Variants in CCDC87 observed in about 807,000 individuals in gnomAD.
CCDC87 encodes the protein coiled-coil domain containing 87.
For synonymous variants in CCDC87, 434 were observed against 440.2 expected, an observed-to-expected ratio of 0.99 and a Z score of 0.18; for missense variants, 1,072 against 1,041.7, an observed-to-expected ratio of 1.03 and a Z score of -0.40.
At position 66,592,006 on chromosome 11, in the gene CCDC87, G is replaced by A. The variant is rs971474224; in HGVS notation, c.1010C>T (p.Pro337Leu). 5 of 1,613,932 alleles carry A rather than the reference G, an allele frequency of 3.1e-6. No individual in the cohort carries two copies. Among genetic ancestry groups the A allele is most frequent in the Admixed American group, 3.3e-5 (2 of 60,024 alleles). Reference sequence around the variant, plus strand: ...TTTGCTCTCTGTAGCCAAGACCAGCGGGGTTAAGGGGCGAGATGGGAGTGG... The same window carrying A: ...TTTGCTCTCTGTAGCCAAGACCAGCAGGGTTAAGGGGCGAGATGGGAGTGG... ...LPPLPSRPLT[P>L]LVLATESKPE... Residue 337 changes from proline (P) to leucine (L), a missense_variant, in exon 1 of 1, where the codon CCG becomes CTG. Transcript: ENST00000333861.
In CCDC87 at chr11:66,591,675, C is replaced by A. The variant is rs1418347092; in HGVS notation, c.1341G>T (p.Arg447=). ...AGTCTAAGAAGTTTCTATCAGAGACCCGTACGGCAGCCGCCTGGACCACGA... is the reference window on the plus strand; with the variant it reads ...AGTCTAAGAAGTTTCTATCAGAGACACGTACGGCAGCCGCCTGGACCACGA... ...NEVVVQAAAV[R]VSDRNFLDSF... is the part of the protein sequence containing the mutation. The change falls in exon 1 of 1, where the codon CGG becomes CGT. Residue 447 remains arginine, a synonymous_variant. Coordinates refer to ENST00000333861, the MANE Select transcript of CCDC87 (RefSeq NM_018219.3). 8.1e-6 allele frequency: 13 copies of A among 1,613,644 alleles called. No homozygotes were observed. The highest frequency in any genetic ancestry group is 1.0e-5 in the Non-Finnish European group (12 of 1,179,986).
In CCDC87 at chr11:66,593,030, C is replaced by T; in HGVS notation, c.-15G>A. The T allele has an allele frequency of 2.7e-6, 4 of 1,506,680 alleles. No individual in the cohort carries two copies. Among genetic ancestry groups the T allele is most frequent in the East Asian group, 2.3e-5 (1 of 43,356 alleles). 93.3% of individuals were successfully genotyped at this position (1,506,680 alleles called of 1,614,324 possible). On this transcript the variant is annotated 5_prime_UTR_variant, in exon 1 of 1. Coordinates refer to ENST00000333861, the MANE Select transcript of CCDC87 (RefSeq NM_018219.3). ...GGCTCCATCATAGAGCCGGCGGCCG[C>T]CACCGTCCAGGAACAGAAAGCCGAG... is the stretch of plus-strand genomic sequence containing the variant.
At position 66,590,846 on chromosome 11, in the gene CCDC87, C is replaced by A; in HGVS notation, c.2170G>T (p.Ala724Ser). The A allele has an allele frequency of 6.2e-7, 1 of 1,613,916 alleles. No homozygotes were observed. Among genetic ancestry groups the A allele is most frequent in the South Asian group, 1.1e-5 (1 of 91,082 alleles). The stretch of plus-strand genomic sequence containing the variant: ...TCCCGCAGCTGAATGGGCTTCAGGG[C>A]CCGCTCCCAGGCATTCACCAATGAA... ...LPSLVNAWER[A>S]LKPIQLREAL... The change falls in exon 1 of 1, where the codon GCC (alanine) becomes TCC (serine). Residue 724 changes from alanine (A) to serine (S), a missense_variant. Coordinates refer to ENST00000333861, the MANE Select transcript of CCDC87 (RefSeq NM_018219.3).
chr11:66,592,892 C>T lies in CCDC87; in HGVS notation c.124G>A (p.Gly42Ser), dbSNP rs749023439. 2.0e-6 allele frequency: 3 copies of T among 1,537,656 alleles called. No individual in the cohort carries two copies. The highest frequency in any genetic ancestry group is 2.5e-5 in the South Asian group (2 of 79,430). ...PEPQKRPPQEGRILQSFPLAK... is the reference protein window; with the variant it reads ...PEPQKRPPQESRILQSFPLAK... ...AGAGGGAAGGACTGCAGAATCCGGCCCTCCTGCGGGGGGCGCTTCTGAGGC... is the reference window on the plus strand; with the variant it reads ...AGAGGGAAGGACTGCAGAATCCGGCTCTCCTGCGGGGGGCGCTTCTGAGGC... The change falls in exon 1 of 1, where the codon GGC (glycine) becomes AGC (serine). Residue 42 changes from glycine to serine, a missense_variant. Coordinates refer to ENST00000333861, the MANE Select transcript of CCDC87 (RefSeq NM_018219.3).
rs1215968459 is a variant in CCDC87, at chr11:66,592,713, T to TTCGGCGGGCGGC, written c.291_302dup (p.Pro98_Glu101dup). ...GGTTGTTTTTGTGGCTCAGACTAAG[T>TTCGGCGGGCGGC]TCGGCGGGCGGCTCCCGCCAGCTGC... is the stretch of plus-strand genomic sequence containing the variant. On this transcript the variant is annotated inframe_insertion, in exon 1 of 1. Coordinates refer to ENST00000333861, the MANE Select transcript of CCDC87 (RefSeq NM_018219.3). The TTCGGCGGGCGGC allele has an allele frequency of 3.1e-6, 5 of 1,613,924 alleles. No individual in the cohort carries two copies. The African/African-American group carries it at 6.7e-5, about 22-fold the overall frequency.
At position 66,591,348 on chromosome 11, in the gene CCDC87, T is replaced by C. The variant is rs1565319734; in HGVS notation, c.1668A>G (p.Leu556=). Residue 556 remains leucine (L), a synonymous_variant, in exon 1 of 1, where the codon TTA becomes TTG. Transcript: ENST00000333861. ...VGLYSQRANT[L]QSNTKKMPSL... is the part of the protein sequence containing the mutation. ...AGGGCATCTTCTTAGTATTGGACTG[T>C]AAAGTGTTTGCTCTCTGGGAGTAAA... 10 of 1,614,198 alleles carry C rather than the reference T, an allele frequency of 6.2e-6. No homozygotes were observed. The Admixed American group carries it at 6.7e-5, about 11-fold the overall frequency.
rs1313178887 is a variant in CCDC87 at position 66,592,076 on chromosome 11, AG to A, written c.939del (p.Ser314ProfsTer22). The A allele has an allele frequency of 1.9e-6, 3 of 1,608,196 alleles. No homozygotes were observed. The African/African-American group carries it at 4.0e-5, about 22-fold the overall frequency. ...GCCAGCCTCCAGCCCTCACGCAGGG[AG>A]GGCATGGATTGGCCTCTCCGGAGCT... ...CPELRRGQSM[P>X]SLREGWRLAD... On this transcript the variant is annotated frameshift_variant, in exon 1 of 1. Coordinates refer to ENST00000333861, the MANE Select transcript of CCDC87 (RefSeq NM_018219.3). LOFTEE classifies it low-confidence loss of function (END_TRUNC).
Position 66,590,271 on chromosome 11 carries a change from C to G in CCDC87, c.*195G>C, listed in dbSNP as rs926797968. 1.8e-6 allele frequency: 1 copy of G among 542,736 alleles called. No homozygotes were observed. Among genetic ancestry groups the G allele is most frequent in the African/African-American group, 1.9e-5 (1 of 52,920 alleles). 33.6% of individuals were successfully genotyped at this position (542,736 alleles called of 1,614,324 possible). On this transcript the variant is annotated 3_prime_UTR_variant, in exon 1 of 1. Coordinates refer to ENST00000333861, the MANE Select transcript of CCDC87 (RefSeq NM_018219.3). ...TTTCATGAGAATTTCACTAAGAAAA[C>G]AATAGTTTTAGTCTCAATCCCTTCA...
Position 66,592,472 on chromosome 11 carries a change from G to A in CCDC87, c.544C>T (p.Leu182=), listed in dbSNP as rs267603130. ...CCAGAGGCCTGCTCTGCCCTCAGCAGGGCCTGGAAGTCGGCAAGCAGGCCA... is the reference window on the plus strand; with the variant it reads ...CCAGAGGCCTGCTCTGCCCTCAGCAAGGCCTGGAAGTCGGCAAGCAGGCCA... ...YRGLLADFQA[L]LRAEQASGDV... The change falls in exon 1 of 1, where the codon CTG becomes TTG. Residue 182 remains leucine, a synonymous_variant. Coordinates refer to ENST00000333861, the MANE Select transcript of CCDC87 (RefSeq NM_018219.3). 8 of 1,613,822 alleles carry A rather than the reference G, an allele frequency of 5.0e-6. No individual in the cohort carries two copies. The highest frequency in any genetic ancestry group is 3.3e-5 in the Admixed American group (2 of 60,022).
chr11:66,590,396 T>A lies in CCDC87; in HGVS notation c.*70A>T, dbSNP rs1007614575. On this transcript the variant is annotated 3_prime_UTR_variant, in exon 1 of 1. Coordinates refer to ENST00000333861, the MANE Select transcript of CCDC87 (RefSeq NM_018219.3). ...GAGGTCTAGATGAGCTGCTGGCCAT[T>A]TAGGGGTGAGGGAGGCATTTGAGGG... The A allele has an allele frequency of 1.8e-5, 22 of 1,192,070 alleles. No individual in the cohort carries two copies. Among genetic ancestry groups the A allele is most frequent in the Non-Finnish European group, 2.4e-5 (20 of 835,260 alleles). 73.8% of individuals were successfully genotyped at this position (1,192,070 alleles called of 1,614,324 possible).
At position 66,592,805 on chromosome 11, in the gene CCDC87, T is replaced by A; in HGVS notation, c.211A>T (p.Ile71Leu). Reference sequence around the variant, plus strand: ...GCCTCAGGAGGCACTCCCGCTGCTATCCCGCTGCCGGCCAGCAGCTTGGCC... The same window carrying A: ...GCCTCAGGAGGCACTCCCGCTGCTAACCCGCTGCCGGCCAGCAGCTTGGCC... ...QVAKLLAGSG[I>L]AAGVPPEARL... Residue 71 changes from isoleucine (I) to leucine (L), a missense_variant, in exon 1 of 1, where the codon ATA becomes TTA. By Grantham distance (5) the Ile-to-Leu change is conservative. Coordinates refer to ENST00000333861, the MANE Select transcript of CCDC87 (RefSeq NM_018219.3). 1 of 1,601,120 alleles carries A rather than the reference T, an allele frequency of 6.2e-7. No individual in the cohort carries two copies. Among genetic ancestry groups the A allele is most frequent in the Non-Finnish European group, 8.5e-7 (1 of 1,172,778 alleles).
At position 66,592,588 on chromosome 11, in the gene CCDC87, C is replaced by A; in HGVS notation, c.428G>T (p.Gly143Val). 1 of 1,613,520 alleles carries A rather than the reference C, an allele frequency of 6.2e-7. No homozygotes were observed. Among genetic ancestry groups the A allele is most frequent in the Non-Finnish European group, 8.5e-7 (1 of 1,180,028 alleles). Reference protein sequence around the residue: ...HLLVTMSTPRGVFTESATLTR... With the variant: ...HLLVTMSTPRVVFTESATLTR... ...GAGGGTGGCTGATTCAGTGAAGACCCCCCTGGGAGTCGACATGGTCACCAG... is the reference window on the plus strand; with the variant it reads ...GAGGGTGGCTGATTCAGTGAAGACCACCCTGGGAGTCGACATGGTCACCAG... Residue 143 changes from glycine (G) to valine (V), a missense_variant, in exon 1 of 1, where the codon GGG (glycine) becomes GTG (valine). Physicochemically the swap from Gly to Val is moderately radical, Grantham distance 109. Coordinates refer to ENST00000333861, the MANE Select transcript of CCDC87 (RefSeq NM_018219.3).
chr11:66,591,295 C>G lies in CCDC87; in HGVS notation c.1721G>C (p.Ser574Thr). 6.2e-7 allele frequency: 1 copy of G among 1,614,180 alleles called. No individual in the cohort carries two copies. The highest frequency in any genetic ancestry group is 1.3e-5 in the African/African-American group (1 of 75,048). ...GGCCTTGTTTGACCACTTCTCCCAGCTTTTGGTAGCTTGGAGTGATGGGAG... is the reference window on the plus strand; with the variant it reads ...GGCCTTGTTTGACCACTTCTCCCAGGTTTTGGTAGCTTGGAGTGATGGGAG... Reference protein sequence around the residue: ...PSLPSLQATKSWEKWSNKASL... With the variant: ...PSLPSLQATKTWEKWSNKASL... Residue 574 changes from serine (S) to threonine (T), a missense_variant, in exon 1 of 1, where the codon AGC becomes ACC. Physicochemically the swap from Ser to Thr is moderately conservative, Grantham distance 58. Coordinates refer to ENST00000333861, the MANE Select transcript of CCDC87 (RefSeq NM_018219.3).
Position 66,590,715 on chromosome 11 carries a change from C to G in CCDC87, c.2301G>C (p.Gln767His), listed in dbSNP as rs1182316624. The G allele has an allele frequency of 6.8e-6, 11 of 1,613,798 alleles. No homozygotes were observed. Among genetic ancestry groups the G allele is most frequent in the African/African-American group, 1.3e-5 (1 of 74,928 alleles). The part of the protein sequence containing the change: ...LSSSHFLEEN[Q>H]VRSHLHRKLN... ...GCTTCCTGTGGAGATGGCTTCGGAC[C>G]TGATTCTCCTCCAGGAAGTGACTGG... The change falls in exon 1 of 1, where the codon CAG (glutamine) becomes CAC (histidine). Residue 767 changes from glutamine to histidine, a missense_variant. By Grantham distance (24) the Gln-to-His change is conservative. Transcript: ENST00000333861.
chr11:66,591,468 C>A lies in CCDC87; in HGVS notation c.1548G>T (p.Glu516Asp). 6.2e-7 allele frequency: 1 copy of A among 1,614,170 alleles called. No homozygotes were observed. Among genetic ancestry groups the A allele is most frequent in the South Asian group, 1.1e-5 (1 of 91,086 alleles). ...TCGACCAGTCTTTATCTGCTGCAGGCTCAACTAGGGGCCCTTGATCAAAAT... is the reference window on the plus strand; with the variant it reads ...TCGACCAGTCTTTATCTGCTGCAGGATCAACTAGGGGCCCTTGATCAAAAT... ...HLHFDQGPLV[E>D]PAADKDWSTF... The change falls in exon 1 of 1, where the codon GAG becomes GAT. Residue 516 changes from glutamate to aspartate, a missense_variant. Transcript: ENST00000333861.
At position 66,592,427 on chromosome 11, in the gene CCDC87, G is replaced by A; in HGVS notation, c.589C>T (p.Pro197Ser). ...QASGDVDKLH[P>S]VCPAGTFKLC... ...TTGAACGTCCCAGCGGGGCAGACAG[G>A]GTGCAGCTTGTCCACATCCCCAGAG... The change falls in exon 1 of 1, where the codon CCT (proline) becomes TCT (serine). Residue 197 changes from proline (P) to serine (S), a missense_variant. Transcript: ENST00000333861. 6.2e-7 allele frequency: 1 copy of A among 1,613,986 alleles called. No homozygotes were observed. The highest frequency in any genetic ancestry group is 8.5e-7 in the Non-Finnish European group (1 of 1,180,014).
Position 66,592,966 on chromosome 11 carries a change from C to T in CCDC87, c.50G>A (p.Arg17Gln). 2 of 1,517,310 alleles carry T rather than the reference C, an allele frequency of 1.3e-6. No individual in the cohort carries two copies. The highest frequency in any genetic ancestry group is 8.8e-7 in the Non-Finnish European group (1 of 1,135,600). The allele number at this position is 1,517,310 out of a possible 1,614,324, so 94.0% of individuals were successfully genotyped here. A position where few individuals can be genotyped will look rare whatever the true frequency, so the allele number is the denominator to read the frequency against. ...GAAGAGCGACAGCGGACGCAGCAGC[C>T]GGTGGTAAAACCGCTGGAGCTCAGG... Reference protein sequence around the residue: ...PEPELQRFYHRLLRPLSLFPT... With the variant: ...PEPELQRFYHQLLRPLSLFPT... The change falls in exon 1 of 1, where the codon CGG (arginine) becomes CAG (glutamine). Residue 17 changes from arginine (R) to glutamine (Q), a missense_variant. Arg to Gln is a conservative substitution (Grantham distance 43, BLOSUM62 1). Coordinates refer to ENST00000333861, the MANE Select transcript of CCDC87 (RefSeq NM_018219.3).
Position 66,592,978 on chromosome 11 carries a change from C to A in CCDC87, c.38G>T (p.Arg13Leu). The A allele has an allele frequency of 6.6e-7, 1 of 1,515,900 alleles. No individual in the cohort carries two copies. The highest frequency in any genetic ancestry group is 1.4e-5 in the African/African-American group (1 of 71,726). The allele number at this position is 1,515,900 out of a possible 1,614,324, so 93.9% of individuals were successfully genotyped here. ...EPPKPEPELQ[R>L]FYHRLLRPLS... ...CGGACGCAGCAGCCGGTGGTAAAAC[C>A]GCTGGAGCTCAGGCTCGGGCTTCGG... Residue 13 changes from arginine (R) to leucine (L), a missense_variant, in exon 1 of 1, where the codon CGG becomes CTG. Arg to Leu is a moderately radical substitution (Grantham distance 102, BLOSUM62 -2). Coordinates refer to ENST00000333861, the MANE Select transcript of CCDC87 (RefSeq NM_018219.3).
chr11:66,592,831 A>C lies in CCDC87; in HGVS notation c.185T>G (p.Val62Gly). Reference protein sequence around the residue: ...KLTVASLCSQVAKLLAGSGIA... With the variant: ...KLTVASLCSQGAKLLAGSGIA... ...CCCGCTGCCGGCCAGCAGCTTGGCC[A>C]CCTGGCTGCACAGCGACGCCACCGT... is the stretch of plus-strand genomic sequence containing the variant. The change falls in exon 1 of 1, where the codon GTG becomes GGG. Residue 62 changes from valine (V) to glycine (G), a missense_variant. Physicochemically the swap from Val to Gly is moderately radical, Grantham distance 109. Coordinates refer to ENST00000333861, the MANE Select transcript of CCDC87 (RefSeq NM_018219.3). 4 of 1,588,512 alleles carry C rather than the reference A, an allele frequency of 2.5e-6. No homozygotes were observed. The highest frequency in any genetic ancestry group is 3.4e-6 in the Non-Finnish European group (4 of 1,166,574).
Sources: allele counts gnomAD v4.1 joint callset, GRCh38; gene constraint gnomAD v4.1.1; transcripts MANE v1.5; gene names NCBI Gene and HGNC (gene_info 2026-07-23, HGNC 2026-07-21).